STRN: variants seen among roughly 807,000 people sequenced by gnomAD.
STRN encodes protein phosphatase 2 regulatory subunit B'''alpha.
Under a neutral mutation model 96.3 loss-of-function variants are expected in STRN, and 53 were observed. The observed-to-expected ratio is 0.55, with a 90% CI of 0.44 to 0.69. The LOEUF (loss-of-function observed/expected upper bound fraction) is 0.69. Ranked by LOEUF, STRN falls within the 30% of genes least tolerant of loss-of-function variation. The pLI is 0.00. For missense variants in STRN, 987 were observed against 963.9 expected (o/e 1.02, Z -0.32); for synonymous variants, 428 against 355.9 (o/e 1.20, Z -2.28).
At chr2:36,896,455 A>C (rs1669542612) in intron 6 of STRN, among the ~76,000 whole-genome samples, 1 of 152,222 alleles carries the variant, frequency 6.6e-6, no homozygotes, top group Admixed American at 6.5e-5. Context: ...CGGAAGAGGT[A>C]GAGTTTGTAA....
At chr2:36,919,632 C>A (rs1282557491) in intron 2 of STRN, among the ~76,000 whole-genome samples, 1 of 152,098 alleles carries the variant, frequency 6.6e-6, no homozygotes, top group African/African-American at 2.4e-5. Context: ...TATTTTTAAA[C>A]ACGGATATAA....
Position 36,838,083 on chromosome 2 carries a change from T to C in STRN, c.*11373A>G, listed in dbSNP as rs1450524987. ...CTTAACAATCTGGGTGTGCTTAAACTAGTCACAAGAGCCCTTTAAAAGCAG... is the reference window on the plus strand; with the variant it reads ...CTTAACAATCTGGGTGTGCTTAAACCAGTCACAAGAGCCCTTTAAAAGCAG... On this transcript the variant is annotated 3_prime_UTR_variant, in exon 18 of 18. Transcript: ENST00000263918. 1.3e-5 allele frequency among the ~76,000 whole-genome samples: 2 copies of C among 152,196 alleles called. No individual in the cohort carries two copies. The highest frequency in any genetic ancestry group is 4.8e-5 in the African/African-American group (2 of 41,434).
rs1046656491 is a variant in STRN, at chr2:36,884,824, TA to T, written c.1043-750del. ...CTTTTCCAATGAGTACTAGTTCAAT[TA>T]AAAAAAAAAAATTTATGGTGGTTTA... On this transcript the variant is annotated intron_variant, in intron 8 of 17. Transcript: ENST00000263918. Among the ~76,000 whole-genome samples the T allele has an allele frequency of 1.5e-3, 224 of 146,756 alleles. 1 individual carries two copies. The highest frequency in any genetic ancestry group is 3.5e-3 in the South Asian group (16 of 4,636).
At chr2:36,888,841 C>T (rs544074606) in intron 7 of STRN, among the ~76,000 whole-genome samples, 8 of 151,912 alleles carry the variant, frequency 5.3e-5, no homozygotes, top group African/African-American at 1.5e-4. Context: ...CCACCATGCC[C>T]GGCTAATTTT....
chr2:36,905,772 T>A (rs2148204701), intron 3 of STRN, among the ~76,000 whole-genome samples, 154 bp from the exon 4 acceptor site: 1 of 152,348 alleles, frequency 6.6e-6, no homozygotes, highest in East Asian at 1.9e-4. Context: ...TTCTGTTTTT[T>A]AACTGTAATT....
At chr2:36,861,398 A>T in intron 12 of STRN, 145 bp from the exon 13 acceptor site, 1 of 1,114,520 alleles carries the variant, frequency 9.0e-7, no homozygotes, top group East Asian at 2.6e-5. Flanking sequence ...CTATCAAAGC[A>T]CTGTTCATTT....
At chr2:36,915,988 T>C (rs1670087394) in intron 3 of STRN, 90 bp downstream of exon 3, 2 of 1,165,084 alleles carry the variant, frequency 1.7e-6, no homozygotes, top group African/African-American at 1.5e-5. Context: ...CACAAATAAT[T>C]AGAAAGTAAC....
At chr2:36,891,955 A>G (rs1669412782) in intron 7 of STRN, among the ~76,000 whole-genome samples, 1 of 152,206 alleles carries the variant, frequency 6.6e-6, no homozygotes, top group Admixed American at 6.5e-5. Flanking sequence ...TTTCCTTCAG[A>G]GAAGAAATAT....
chr2:36,958,007 C>T (rs562471598), intron 1 of STRN, among the ~76,000 whole-genome samples: 5 of 151,052 alleles, frequency 3.3e-5, no homozygotes, highest in Non-Finnish European at 7.4e-5. Context: ...GCAAGCTCCG[C>T]CTCCTGGGTT....
chr2:36,951,294 A>G (rs1664747258), intron 1 of STRN, among the ~76,000 whole-genome samples: 1 of 152,238 alleles, frequency 6.6e-6, no homozygotes, highest in Admixed American at 6.5e-5. Context: ...TGCTACAACT[A>G]GCATCAAGTA....
chr2:36,941,863 T>C (rs893427467), intron 1 of STRN, among the ~76,000 whole-genome samples: 4 of 152,160 alleles, frequency 2.6e-5, no homozygotes, highest in African/African-American at 9.7e-5. Context: ...CTATTATTTT[T>C]ATACTATCAT....
chr2:36,850,241 C>G (rs993723523), intron 16 of STRN, among the ~76,000 whole-genome samples: 4 of 152,114 alleles, frequency 2.6e-5, no homozygotes, highest in Non-Finnish European at 5.9e-5. Flanking sequence ...GTGGATACAA[C>G]ATACAGAAAA....
At chr2:36,892,560 A>G (rs1669428642) in intron 7 of STRN, among the ~76,000 whole-genome samples, 1 of 152,228 alleles carries the variant, frequency 6.6e-6, no homozygotes, top group Admixed American at 6.5e-5. Flanking sequence ...AATTATTTAC[A>G]TATATATGAA....
At chr2:36,887,302 T>C (rs1373555741) in intron 7 of STRN, among the ~76,000 whole-genome samples, 2 of 149,506 alleles carry the variant, frequency 1.3e-5, no homozygotes, top group Non-Finnish European at 3.0e-5. Context: ...AATAAATAAA[T>C]AAATAAATAA....
chr2:36,904,838 C>CTGAA (rs150507744), intron 4 of STRN, among the ~76,000 whole-genome samples: 16,975 of 151,734 alleles, frequency 0.11, 1,434 homozygotes, highest in East Asian at 0.49. Context: ...AAATGAATGA[C>CTGAA]TGAATGAATG....
chr2:36,849,239 C>T lies in STRN; in HGVS notation c.*217G>A. 1.8e-6 allele frequency: 1 copy of T among 547,586 alleles called. No homozygotes were observed. Among genetic ancestry groups the T allele is most frequent in the Non-Finnish European group, 3.1e-6 (1 of 318,008 alleles). 33.9% of individuals were successfully genotyped at this position (547,586 alleles called of 1,614,324 possible). A position where few individuals can be genotyped will look rare whatever the true frequency, so the allele number is the denominator to read the frequency against. On this transcript the variant is annotated 3_prime_UTR_variant, in exon 18 of 18. Coordinates refer to ENST00000263918, the MANE Select transcript of STRN (RefSeq NM_003162.4). ...TTGGGGAGAAATTTGAAACAGACCT[C>T]AGGCTCACAGATTCAGCTGAGCTTG...
chr2:36,912,567 G>T lies in STRN; in HGVS notation c.412+3511C>A, dbSNP rs558108376. Among the ~76,000 whole-genome samples, 119 of 152,026 alleles carry T rather than the reference G, an allele frequency of 7.8e-4. 2 individuals carry two copies. In the Middle Eastern group the frequency reaches 0.014, roughly 17 times the overall value. Reference sequence around the variant, plus strand: ...TACTCTGTATCAGACTCTTTTTCACGTTTCCGTTCTTCTACCAGTCTTTTA... The same window carrying T: ...TACTCTGTATCAGACTCTTTTTCACTTTTCCGTTCTTCTACCAGTCTTTTA... On this transcript the variant is annotated intron_variant, in intron 3 of 17. Coordinates refer to ENST00000263918, the MANE Select transcript of STRN (RefSeq NM_003162.4).
At chr2:36,932,240 C>G (rs1190059534) in intron 1 of STRN, among the ~76,000 whole-genome samples, 1 of 152,130 alleles carries the variant, frequency 6.6e-6, no homozygotes. Flanking sequence ...CTGCAACCTC[C>G]ACCTCCCGGG....
intron 11 of STRN, among the ~76,000 whole-genome samples, chr2:36,868,872 C>CT (rs201441254): frequency 0.06 from 7,873 of 131,906 alleles, 286 homozygotes; most frequent in East Asian, 0.14. Flanking sequence ...GATGCTGGTT[C>CT]TTTTTTTTTT....
Sources: allele counts gnomAD v4.1 joint callset (sites outside exome capture counted in the v4.1 genomes callset), GRCh38; gene constraint gnomAD v4.1.1; transcripts MANE v1.5; gene names NCBI Gene and HGNC (gene_info 2026-07-23, HGNC 2026-07-21).